TTC29: variants seen among roughly 807,000 people sequenced by gnomAD.
The protein encoded by TTC29 is tetratricopeptide repeat protein 29.
In TTC29, 49 loss-of-function variants were observed where a neutral mutation model predicts 58.1. That is an observed-to-expected ratio of 0.84 (90% CI 0.67 to 1.07). The LOEUF (loss-of-function observed/expected upper bound fraction) is 1.07, where lower values mean the gene tolerates loss of function less well. Among genes scored for constraint, TTC29 ranks in the 50% least tolerant of loss-of-function variants. The pLI, the probability that TTC29 is intolerant of heterozygous loss-of-function variation, is 0.00. For synonymous variants in TTC29, 209 were observed against 196.8 expected (o/e 1.06, Z -0.52); for missense variants, 582 against 555.6 (o/e 1.05, Z -0.48).
At chr4:146,812,595 A>G (rs1018977611) in intron 10 of TTC29, among the ~76,000 whole-genome samples, 17 of 152,196 alleles carry the variant, frequency 1.1e-4, no homozygotes, top group Non-Finnish European at 2.1e-4. Context: ...TAATTAGCTA[A>G]TTATTATTCC....
At chr4:146,816,607 G>A (rs1751426695) in intron 10 of TTC29, among the ~76,000 whole-genome samples, 1 of 151,988 alleles carries the variant, frequency 6.6e-6, no homozygotes, top group Non-Finnish European at 1.5e-5. Flanking sequence ...AGGACAGGAG[G>A]GAGCAAGATG....
chr4:146,785,123 T>C (rs1439960758), intron 11 of TTC29, among the ~76,000 whole-genome samples: 2 of 152,062 alleles, frequency 1.3e-5, no homozygotes, highest in East Asian at 3.8e-4. Context: ...GTGTACACAC[T>C]TGAGCCTTTT....
intron 11 of TTC29, among the ~76,000 whole-genome samples, chr4:146,759,107 G>C (rs1308283428): frequency 6.6e-6 from 1 of 151,998 alleles, no homozygotes; most frequent in Non-Finnish European, 1.5e-5. Context: ...CAAGGAGAGA[G>C]AAAATCCATA....
intron 11 of TTC29, among the ~76,000 whole-genome samples, chr4:146,790,710 C>T (rs543469626): frequency 6.6e-6 from 1 of 152,278 alleles, no homozygotes; most frequent in East Asian, 1.9e-4. Flanking sequence ...TCCTTCCTGA[C>T]CATGTGAGTC....
At chr4:146,869,769 A>T (rs1266284032) in intron 7 of TTC29, among the ~76,000 whole-genome samples, 1 of 152,166 alleles carries the variant, frequency 6.6e-6, no homozygotes, top group Non-Finnish European at 1.5e-5. Context: ...CAGTTTGGAA[A>T]CACCAAATAT....
At chr4:146,920,671 C>T (rs1218579708) in intron 4 of TTC29, among the ~76,000 whole-genome samples, 1 of 150,958 alleles carries the variant, frequency 6.6e-6, no homozygotes, top group Non-Finnish European at 1.5e-5. Flanking sequence ...ATCATTGGTA[C>T]TCCATTAACT....
At position 146,909,123 on chromosome 4, in the gene TTC29, C is replaced by G. The variant is rs373820879; in HGVS notation, c.303G>C (p.Arg101Ser). Reference protein sequence around the residue: ...WDALREAARVRSLFWLQKPLE... With the variant: ...WDALREAARVSSLFWLQKPLE... ...GGGGCTTCTGCAGCCAGAAGAGGGA[C>G]CTGACTCTCGCAGCCTCCCTCAGGG... is the stretch of plus-strand genomic sequence containing the variant. Residue 101 changes from arginine (R) to serine (S), a missense_variant, in exon 5 of 13, where the codon AGG (arginine) becomes AGC (serine). Physicochemically the swap from Arg to Ser is moderately radical, Grantham distance 110. Coordinates refer to ENST00000325106, the MANE Select transcript of TTC29 (RefSeq NM_031956.4). 1.9e-6 allele frequency: 3 copies of G among 1,613,866 alleles called. No homozygotes were observed. The highest frequency in any genetic ancestry group is 2.5e-6 in the Non-Finnish European group (3 of 1,179,840).
At chr4:146,784,299 T>C (rs1052740784) in intron 11 of TTC29, among the ~76,000 whole-genome samples, 2 of 152,014 alleles carry the variant, frequency 1.3e-5, no homozygotes, top group Non-Finnish European at 2.9e-5. Context: ...TTAAAAAAAA[T>C]TAAAAATAGT....
Position 146,746,343 on chromosome 4 carries a change from C to A in TTC29, c.1331-38792G>T, listed in dbSNP as rs577599182. The stretch of plus-strand genomic sequence containing the variant: ...ATGCTCAACAAAGAATAGACAGTTG[C>A]ATTAAGAATTAGAAATGTTAAAAAT... On this transcript the variant is annotated intron_variant, in intron 11 of 12. Coordinates refer to ENST00000325106, the MANE Select transcript of TTC29 (RefSeq NM_031956.4). Among the ~76,000 whole-genome samples, 8 of 152,198 alleles carry A rather than the reference C, an allele frequency of 5.3e-5. No individual in the cohort carries two copies. In the South Asian group the frequency reaches 1.7e-3, roughly 32 times the overall value.
chr4:146,758,835 A>G (rs919097267), intron 11 of TTC29, among the ~76,000 whole-genome samples: 2 of 152,102 alleles, frequency 1.3e-5, no homozygotes, highest in Non-Finnish European at 2.9e-5. Context: ...GGGATACAGC[A>G]AAGGCAGTGC....
chr4:146,729,147 G>T (rs899863150), intron 11 of TTC29, among the ~76,000 whole-genome samples: 1 of 152,004 alleles, frequency 6.6e-6, no homozygotes, highest in East Asian at 1.9e-4. Flanking sequence ...CTTGGAGGCC[G>T]TATCTCTTCT....
At chr4:146,733,413 T>A (rs1337521167) in intron 11 of TTC29, among the ~76,000 whole-genome samples, 2 of 152,086 alleles carry the variant, frequency 1.3e-5, no homozygotes, top group Non-Finnish European at 2.9e-5. Flanking sequence ...TATCACAATT[T>A]AAAAAATTAA....
intron 5 of TTC29, among the ~76,000 whole-genome samples, chr4:146,907,745 C>A (rs1307695853): frequency 6.6e-6 from 1 of 152,156 alleles, no homozygotes; most frequent in Non-Finnish European, 1.5e-5. Context: ...GGTGATCCAC[C>A]CGCCTTGGCC....
At chr4:146,767,282 A>G (rs1579627652) in intron 11 of TTC29, among the ~76,000 whole-genome samples, 1 of 151,864 alleles carries the variant, frequency 6.6e-6, no homozygotes, top group East Asian at 1.9e-4. Context: ...AACCTCTCCA[A>G]GCTTTCATTT....
intron 4 of TTC29, among the ~76,000 whole-genome samples, chr4:146,911,515 G>A (rs545764219): frequency 2.0e-5 from 3 of 152,206 alleles, no homozygotes; most frequent in Non-Finnish European, 4.4e-5. Context: ...AATGCATTCA[G>A]CTATAAGTAA....
intron 11 of TTC29, among the ~76,000 whole-genome samples, chr4:146,780,556 G>A (rs550489265): frequency 8.6e-5 from 13 of 151,920 alleles, no homozygotes; most frequent in Non-Finnish European, 1.5e-4. Context: ...GTATATAGTG[G>A]AGAATATCTG....
intron 10 of TTC29, among the ~76,000 whole-genome samples, chr4:146,817,543 AG>A (rs1356315549): frequency 9.9e-5 from 15 of 152,244 alleles, no homozygotes; most frequent in Admixed American, 2.6e-4. Flanking sequence ...ATCCCCATCA[AG>A]CTACCAATGA....
chr4:146,717,730 T>C (rs1743037590), intron 11 of TTC29, among the ~76,000 whole-genome samples: 1 of 152,234 alleles, frequency 6.6e-6, no homozygotes, highest in African/African-American at 2.4e-5. Flanking sequence ...CAAATGCTTA[T>C]CATTTTTTTA....
At chr4:146,831,394 T>A (rs1361139415) in intron 9 of TTC29, among the ~76,000 whole-genome samples, 2 of 152,164 alleles carry the variant, frequency 1.3e-5, no homozygotes, top group East Asian at 3.9e-4. Context: ...CCATTGTGCC[T>A]GGCCAGGAAT....
Sources: gnomAD v4.1 joint callset for allele counts (sites outside exome capture counted in the v4.1 genomes callset) on GRCh38, gnomAD v4.1.1 for gene constraint, MANE v1.5 for transcripts, NCBI Gene and HGNC (gene_info 2026-07-23, HGNC 2026-07-21) for gene names.